The following DUSP22 variants were observed in gnomAD, a reference collection of about 807,000 sequenced individuals.
DUSP22 encodes the protein dual specificity phosphatase 22, also known as dual specificity protein phosphatase 22.
DUSP22 carries 24 observed loss-of-function variants against 24.5 expected under a neutral mutation model. That is an observed-to-expected ratio of 0.98 (90% confidence interval 0.71 to 1.38). The LOEUF is 1.38. DUSP22 is among the 40% of genes most tolerant of loss of function. The probability of loss-of-function intolerance (pLI) is 0.00; values close to 1 mark genes in which losing one functional copy is unlikely to be tolerated. For synonymous variants in DUSP22, 160 were observed against 106.4 expected, an observed-to-expected ratio of 1.50 and a Z score of -3.10; for missense variants, 330 against 269.2, an observed-to-expected ratio of 1.23 and a Z score of -1.58.
At chr6:310,260 C>T (rs1758016018) in intron 2 of DUSP22, among the ~76,000 whole-genome samples, 1 of 152,304 alleles carries the variant, frequency 6.6e-6, no homozygotes, top group South Asian at 2.1e-4. Flanking sequence ...CATGCCCGGC[C>T]TAAACATTTG....
chr6:342,870 C>T (rs1330199475), intron 4 of DUSP22, among the ~76,000 whole-genome samples: 1 of 152,304 alleles, frequency 6.6e-6, no homozygotes, highest in East Asian at 1.9e-4. Context: ...CAAACAAAAT[C>T]AGTGCGGCTG....
chr6:323,934 G>A (rs1299610499), intron 3 of DUSP22, among the ~76,000 whole-genome samples: 1 of 152,308 alleles, frequency 6.6e-6, no homozygotes, highest in Non-Finnish European at 1.5e-5. Flanking sequence ...GTCAGTGAGA[G>A]CAGATGGAGA....
At chr6:292,751 A>C (rs902084208) in intron 1 of DUSP22, among the ~76,000 whole-genome samples, 191 bp downstream of exon 1, 1 of 151,744 alleles carries the variant, frequency 6.6e-6, no homozygotes, top group Non-Finnish European at 1.5e-5. Context: ...CCCCCACCCC[A>C]CCCGGCTTCC....
intron 1 of DUSP22, 146 bp downstream of exon 1, chr6:292,706 G>T: frequency 1.6e-6 from 2 of 1,259,656 alleles, no homozygotes; most frequent in South Asian, 1.6e-5. Flanking sequence ...GCGCCTGGGC[G>T]GCGACCGCGG....
chr6:306,788 C>T (rs1429972590), intron 2 of DUSP22, among the ~76,000 whole-genome samples: 1 of 152,308 alleles, frequency 6.6e-6, no homozygotes, highest in Non-Finnish European at 1.5e-5. Flanking sequence ...AGTGTCCCTG[C>T]CCTCAGGCTA....
chr6:346,755 C>T (rs1303818624), intron 5 of DUSP22, among the ~76,000 whole-genome samples: 1 of 152,310 alleles, frequency 6.6e-6, no homozygotes, highest in African/African-American at 2.4e-5. Flanking sequence ...AACAGTTCCT[C>T]TTGCACTGTA....
intron 3 of DUSP22, among the ~76,000 whole-genome samples, chr6:315,798 G>A (rs940708591): frequency 1.3e-5 from 2 of 152,306 alleles, no homozygotes; most frequent in Admixed American, 1.3e-4. Flanking sequence ...TATGTTCCAG[G>A]TCTTGGGACA....
chr6:323,686 ACT>A (rs1295913751), intron 3 of DUSP22, among the ~76,000 whole-genome samples: 3 of 152,292 alleles, frequency 2.0e-5, no homozygotes, highest in East Asian at 1.9e-4. Flanking sequence ...TCAGTTTGTA[ACT>A]CTGGGGTGAA....
chr6:342,380 G>A (rs531493953), intron 4 of DUSP22, among the ~76,000 whole-genome samples: 1 of 152,420 alleles, frequency 6.6e-6, no homozygotes, highest in Non-Finnish European at 1.5e-5. Flanking sequence ...ACAGCAGCGT[G>A]AGCAGCCTGG....
chr6:335,521 G>A (rs547135918), intron 4 of DUSP22, among the ~76,000 whole-genome samples: 9 of 152,410 alleles, frequency 5.9e-5, no homozygotes, highest in Admixed American at 5.9e-4. Context: ...CTGTCCAATA[G>A]AAATAGATAG....
At chr6:338,439 T>C (rs1404903782) in intron 4 of DUSP22, among the ~76,000 whole-genome samples, 1 of 152,308 alleles carries the variant, frequency 6.6e-6, no homozygotes, top group Non-Finnish European at 1.5e-5. Context: ...AACACCTACC[T>C]CTCTCGGGGT....
At chr6:342,123 A>G (rs1759635202) in intron 4 of DUSP22, among the ~76,000 whole-genome samples, 1 of 152,308 alleles carries the variant, frequency 6.6e-6, no homozygotes, top group South Asian at 2.1e-4. Context: ...TGTGACCCCA[A>G]TCCTGTCCCC....
At chr6:333,569 G>C (rs1439568909) in intron 3 of DUSP22, among the ~76,000 whole-genome samples, 2 of 152,304 alleles carry the variant, frequency 1.3e-5, no homozygotes, top group Non-Finnish European at 2.9e-5. Flanking sequence ...AACAGATCCT[G>C]CTCTGACTCA....
chr6:307,089 G>C (rs532472120), intron 2 of DUSP22, among the ~76,000 whole-genome samples: 1 of 152,426 alleles, frequency 6.6e-6, no homozygotes, highest in East Asian at 1.9e-4. Flanking sequence ...AATGTGGAAT[G>C]TGGCCTCTTT....
At chr6:329,015 A>G (rs1759017033) in intron 3 of DUSP22, among the ~76,000 whole-genome samples, 1 of 152,304 alleles carries the variant, frequency 6.6e-6, no homozygotes, top group African/African-American at 2.4e-5. Context: ...TACCTGGAGG[A>G]GAAATAATCA....
Position 348,921 on chromosome 6 carries a change from G to C in DUSP22, c.588G>C (p.Leu196=), listed in dbSNP as rs765355128. Residue 196 remains leucine, a synonymous_variant, in exon 7 of 7, where the codon CTG becomes CTC. Coordinates refer to ENST00000419235, the MANE Select transcript of DUSP22 (RefSeq NM_001286555.3). ...GCAGTTTTCCGGCACTGGCTCCGCT[G>C]ACCTACGATAATTATACGACGGAGA... is the stretch of plus-strand genomic sequence containing the variant. The part of the protein sequence containing the change: ...RWSSFPALAP[L]TYDNYTTET The C allele has an allele frequency of 1.9e-6, 3 of 1,611,272 alleles. No individual in the cohort carries two copies. Among genetic ancestry groups the C allele is most frequent in the Non-Finnish European group, 2.5e-6 (3 of 1,178,508 alleles).
intron 1 of DUSP22, among the ~76,000 whole-genome samples, chr6:302,209 A>G (rs1013366628): frequency 2.6e-5 from 4 of 152,304 alleles, no homozygotes; most frequent in Non-Finnish European, 5.9e-5. Context: ...TGTTTTTCAT[A>G]CCATTTTCAA....
chr6:297,102 C>T (rs531749355), intron 1 of DUSP22, among the ~76,000 whole-genome samples: 11 of 152,416 alleles, frequency 7.2e-5, no homozygotes, highest in African/African-American at 2.4e-4. Flanking sequence ...GGCACCTCCA[C>T]CACTGCTGCT....
intron 1 of DUSP22, among the ~76,000 whole-genome samples, chr6:295,764 C>G (rs1373525546): frequency 6.6e-6 from 1 of 150,876 alleles, no homozygotes; most frequent in African/African-American, 2.4e-5. Flanking sequence ...TGTGCCACCG[C>G]ACTCCAGCCT....
Sources: allele counts gnomAD v4.1 joint callset (sites outside exome capture counted in the v4.1 genomes callset), GRCh38; gene constraint gnomAD v4.1.1; transcripts MANE v1.5; gene names NCBI Gene and HGNC (gene_info 2026-07-23, HGNC 2026-07-21).